The following SGCG variants were observed in gnomAD, a reference collection of about 807,000 sequenced individuals.
SGCG encodes the protein gamma-sarcoglycan.
A neutral mutation model predicts 29.3 loss-of-function variants in SGCG; 26 were observed. The observed-to-expected ratio is 0.89, with a 90% CI of 0.65 to 1.23. SGCG has a LOEUF of 1.23. SGCG is among the 50% of genes most tolerant of loss of function. SGCG has a pLI of 0.00. For synonymous variants in SGCG, 145 were observed against 129.7 expected (o/e 1.12, Z -0.80); for missense variants, 353 against 356.0 (o/e 0.99, Z 0.07).
Position 23,320,791 on chromosome 13 carries a change from G to GT in SGCG, c.702+32dup, listed in dbSNP as rs1404645435. 55 of 1,603,084 alleles carry GT rather than the reference G, an allele frequency of 3.4e-5. No individual in the cohort carries two copies. The Middle Eastern group carries it at 5.1e-4, about 15-fold the overall frequency. ...TTCATTCACAGATCAGCCTCCTACT[G>GT]TATGTCCTGATGATATTCCTGAGTA... On this transcript the variant is annotated intron_variant, in intron 7 of 7. Transcript: ENST00000218867.
At chr13:23,220,901 A>G (rs1448518909) in intron 2 of SGCG, among the ~76,000 whole-genome samples, 1 of 152,196 alleles carries the variant, frequency 6.6e-6, no homozygotes. Context: ...AATATGCTTT[A>G]ACCTTCCCGC....
At chr13:23,246,989 C>G (rs1397828275) in intron 3 of SGCG, 2 of 153,564 alleles carry the variant, frequency 1.3e-5, no homozygotes, top group African/African-American at 4.8e-5. Flanking sequence ...TGAAAAAGAT[C>G]CCATTAGAGA....
chr13:23,200,380 C>T (rs1288806345), intron 1 of SGCG, among the ~76,000 whole-genome samples: 3 of 152,200 alleles, frequency 2.0e-5, no homozygotes, highest in Non-Finnish European at 2.9e-5. Context: ...GCTGAGATCA[C>T]GCCACTGCAG....
chr13:23,280,231 A>T (rs941109165), intron 5 of SGCG, among the ~76,000 whole-genome samples: 8 of 152,224 alleles, frequency 5.3e-5, no homozygotes, highest in African/African-American at 7.2e-5. Context: ...TAAGACTGAG[A>T]AGAGAAAATT....
chr13:23,324,643 A>T lies in SGCG; in HGVS notation c.*102A>T. The stretch of plus-strand genomic sequence containing the variant: ...AAAGACTGAGGCAGCGTGGATGGGA[A>T]GTAAACGCTTCCAGAGGAACTCAGA... On this transcript the variant is annotated 3_prime_UTR_variant, in exon 8 of 8. Transcript: ENST00000218867. The T allele has an allele frequency of 9.7e-7, 1 of 1,034,986 alleles. No individual in the cohort carries two copies. The highest frequency in any genetic ancestry group is 2.5e-5 in the East Asian group (1 of 39,586). The allele number at this position is 1,034,986 out of a possible 1,614,324, so 64.1% of individuals were successfully genotyped here.
chr13:23,261,535 T>A (rs1880438451), intron 4 of SGCG, among the ~76,000 whole-genome samples: 1 of 152,046 alleles, frequency 6.6e-6, no homozygotes, highest in Non-Finnish European at 1.5e-5. Context: ...ACTAACAATC[T>A]TAGGTGTCCT....
intron 1 of SGCG, among the ~76,000 whole-genome samples, chr13:23,195,694 A>G (rs201676958): frequency 6.1e-5 from 9 of 148,084 alleles, no homozygotes; most frequent in African/African-American, 2.2e-4. Context: ...GTGTGTGTGT[A>G]TAATAAGGGT....
At chr13:23,265,257 A>G (rs75894456) in intron 4 of SGCG, among the ~76,000 whole-genome samples, 1 of 137,620 alleles carries the variant, frequency 7.3e-6, no homozygotes, top group Non-Finnish European at 1.5e-5. Flanking sequence ...GATCAGCAAG[A>G]AAAAAAAAAT....
chr13:23,255,529 A>T (rs936996103), intron 4 of SGCG, among the ~76,000 whole-genome samples: 1 of 152,070 alleles, frequency 6.6e-6, no homozygotes, highest in African/African-American at 2.4e-5. Context: ...GGGAAGAGTG[A>T]TATGGTTTGA....
intron 5 of SGCG, among the ~76,000 whole-genome samples, chr13:23,287,702 T>G (rs1463674999): frequency 6.6e-6 from 1 of 152,168 alleles, no homozygotes; most frequent in Non-Finnish European, 1.5e-5. Context: ...TTATTTCATA[T>G]AATTTCACAG....
At chr13:23,268,409 C>T (rs904267681) in intron 4 of SGCG, 1 of 152,366 alleles carries the variant, frequency 6.6e-6, no homozygotes, top group Non-Finnish European at 1.5e-5. Context: ...GATTTTGATT[C>T]TGTTCTTCTG....
At position 23,315,411 on chromosome 13, in the gene SGCG, G is replaced by A. The variant is rs575004273; in HGVS notation, c.579-5226G>A. Among the ~76,000 whole-genome samples the A allele has an allele frequency of 3.3e-5, 5 of 152,326 alleles. No individual in the cohort carries two copies. In the South Asian group the frequency reaches 1.0e-3, roughly 32 times the overall value. On this transcript the variant is annotated intron_variant, in intron 6 of 7. Transcript: ENST00000218867. ...CTGAAGGCACATGTAAGTTACATGA[G>A]GAAATGGCTCAAATGCCCATGGTCT...
intron 3 of SGCG, among the ~76,000 whole-genome samples, chr13:23,236,460 A>G (rs890833822): frequency 2.9e-4 from 44 of 152,126 alleles, no homozygotes; most frequent in African/African-American, 8.4e-4. Context: ...GGCAGATCAC[A>G]AGGTCAGGAG....
At chr13:23,288,098 A>G (rs1021294454) in intron 5 of SGCG, among the ~76,000 whole-genome samples, 2 of 152,176 alleles carry the variant, frequency 1.3e-5, no homozygotes, top group African/African-American at 4.8e-5. Flanking sequence ...ACAAATTCCC[A>G]TTAAAACTTT....
chr13:23,209,148 A>G (rs1878098915), intron 2 of SGCG, among the ~76,000 whole-genome samples: 1 of 152,144 alleles, frequency 6.6e-6, no homozygotes. Context: ...TCATAATACT[A>G]AATGTTATCA....
In SGCG at chr13:23,234,686, T is replaced by C; in HGVS notation, c.271T>C (p.Tyr91His). Residue 91 changes from tyrosine to histidine, a missense_variant, in exon 3 of 8, where the codon TAT becomes CAT. By Grantham distance (83) the Tyr-to-His change is moderately conservative. Coordinates refer to ENST00000218867, the MANE Select transcript of SGCG (RefSeq NM_000231.3). ...EGESEFLFPL[Y>H]AKEIHSRVDS... ...GGAATCAGAATTTTTATTCCCATTG[T>C]ATGCCAAAGAAATACACTCCAGAGT... 6.2e-7 allele frequency: 1 copy of C among 1,608,808 alleles called. No individual in the cohort carries two copies. The highest frequency in any genetic ancestry group is 8.5e-7 in the Non-Finnish European group (1 of 1,175,342).
At chr13:23,174,134 A>G in the SGCG span, among the ~76,000 whole-genome samples, 1 of 152,208 alleles carries the variant, frequency 6.6e-6, no homozygotes, top group South Asian at 2.1e-4. Context: ...GTTGCACTCC[A>G]TCAAAGCAAG....
At chr13:23,279,709 C>CCCTTGCTTCCTTCCTTCCTTCCTT in intron 5 of SGCG, among the ~76,000 whole-genome samples, 1 of 148,032 alleles carries the variant, frequency 6.8e-6, no homozygotes, top group South Asian at 2.2e-4. Context: ...TACCCTTTGT[C>CCCTTGCTTCCTTCCTTCCTTCCTT]CCTTCCTTCC....
chr13:23,200,636 A>T (rs996401841), intron 1 of SGCG, among the ~76,000 whole-genome samples: 1 of 152,152 alleles, frequency 6.6e-6, no homozygotes, highest in African/African-American at 2.4e-5. Flanking sequence ...TAGGTAAAAT[A>T]TGTAGTATGC....
Sources: allele counts gnomAD v4.1 joint callset (sites outside exome capture counted in the v4.1 genomes callset), GRCh38; gene constraint gnomAD v4.1.1; transcripts MANE v1.5; gene names NCBI Gene and HGNC (gene_info 2026-07-23, HGNC 2026-07-21).